SRGAP1: variants seen among roughly 807,000 people sequenced by gnomAD.
SRGAP1 encodes SLIT-ROBO Rho GTPase-activating protein 1.
Under a neutral mutation model 121.9 loss-of-function variants are expected in SRGAP1, and 43 were observed. That is an observed-to-expected ratio of 0.35 (90% CI 0.28 to 0.46). The LOEUF is 0.46. Among genes scored for constraint, SRGAP1 ranks in the 20% least tolerant of loss-of-function variants. The pLI is 1.00. For synonymous variants in SRGAP1, 447 were observed against 485.4 expected (o/e 0.92, Z 1.04); for missense variants, 1,102 against 1,350.9 (o/e 0.82, Z 2.89).
chr12:63,961,509 T>C (rs1166102537), intron 1 of SRGAP1, among the ~76,000 whole-genome samples: 1 of 152,178 alleles, frequency 6.6e-6, no homozygotes, highest in African/African-American at 2.4e-5. Context: ...ATGTAGAGCA[T>C]ACTCTAAATG....
In SRGAP1 at chr12:64,086,958, G is replaced by C. The variant is rs771581472; in HGVS notation, c.1409-41G>C. 2.0e-6 allele frequency: 3 copies of C among 1,523,824 alleles called. No individual in the cohort carries two copies. The African/African-American group carries it at 4.1e-5, about 21-fold the overall frequency. The allele number at this position is 1,523,824 out of a possible 1,614,324, so 94.4% of individuals were successfully genotyped here. ...AAAAGAGTACCACATACACTCTGCT[G>C]ATTCCTTTCAGTTTACTTACTTTAA... is the stretch of plus-strand genomic sequence containing the variant. On this transcript the variant is annotated intron_variant, in intron 10 of 21. Transcript: ENST00000355086.
intron 21 of SRGAP1, among the ~76,000 whole-genome samples, chr12:64,128,731 G>C (rs1195065378): frequency 6.6e-6 from 1 of 152,190 alleles, no homozygotes; most frequent in Non-Finnish European, 1.5e-5. Flanking sequence ...GAAAAGATGA[G>C]ACCTAATAAA....
intron 1 of SRGAP1, among the ~76,000 whole-genome samples, chr12:63,891,334 C>G (rs1900572778): frequency 6.6e-6 from 1 of 152,236 alleles, no homozygotes; most frequent in Non-Finnish European, 1.5e-5. Context: ...AGAGAGAGAC[C>G]TACCCAGTCT....
At position 63,965,482 on chromosome 12, in the gene SRGAP1, T is replaced by G. The variant is rs373561231; in HGVS notation, c.68-18465T>G. On this transcript the variant is annotated intron_variant, in intron 1 of 21. Transcript: ENST00000355086. Reference sequence around the variant, plus strand: ...TACTTTTGTAGGAATAAAAAGTTATTTTTTTATTTAAAACATCATTTACAT... The same window carrying G: ...TACTTTTGTAGGAATAAAAAGTTATGTTTTTATTTAAAACATCATTTACAT... Among the ~76,000 whole-genome samples, 5 of 152,258 alleles carry G rather than the reference T, an allele frequency of 3.3e-5. No individual in the cohort carries two copies. In the East Asian group the frequency reaches 7.7e-4, roughly 24 times the overall value.
intron 1 of SRGAP1, among the ~76,000 whole-genome samples, chr12:63,978,993 A>G (rs2033172186): frequency 6.9e-6 from 1 of 144,972 alleles, no homozygotes; most frequent in Non-Finnish European, 1.5e-5. Context: ...GCCATTTGCC[A>G]TTTGTATATC....
chr12:63,869,919 G>A (rs553376057), intron 1 of SRGAP1, among the ~76,000 whole-genome samples: 37 of 152,154 alleles, frequency 2.4e-4, no homozygotes, highest in Middle Eastern at 3.4e-3. Context: ...TACAGATAGG[G>A]AAAAAGAAAC....
At chr12:63,974,490 C>T (rs1464916064) in intron 1 of SRGAP1, among the ~76,000 whole-genome samples, 1 of 152,104 alleles carries the variant, frequency 6.6e-6, no homozygotes. Flanking sequence ...TGAGGATTAA[C>T]TGTACTGAGA....
At chr12:63,917,790 C>T (rs2030856222) in intron 1 of SRGAP1, among the ~76,000 whole-genome samples, 1 of 150,426 alleles carries the variant, frequency 6.6e-6, no homozygotes, top group South Asian at 2.1e-4. Flanking sequence ...ACCAATTTCC[C>T]ACCCTGCTTT....
At chr12:64,096,931 C>T (rs916236702) in intron 14 of SRGAP1, among the ~76,000 whole-genome samples, 1 of 152,040 alleles carries the variant, frequency 6.6e-6, no homozygotes, top group Non-Finnish European at 1.5e-5. Context: ...TTACAGATTT[C>T]AGCTTAAAAA....
At position 63,868,074 on chromosome 12, in the gene SRGAP1, TTTTTGTTTTTTTTTTTTTG is replaced by T. The variant is rs1592897730; in HGVS notation, c.67+23196_67+23214del. Among the ~76,000 whole-genome samples the T allele has an allele frequency of 8.3e-4, 79 of 95,376 alleles. No homozygotes were observed. The East Asian group carries it at 8.5e-3, about 10-fold the overall frequency. The allele number at this position is 95,376 out of a possible 152,430, so 62.6% of individuals were successfully genotyped here. A position where few individuals can be genotyped will look rare whatever the true frequency, so the allele number is the denominator to read the frequency against. ...TATATATATTTTTTTTTTTTTTTTT[TTTTTGTTTTTTTTTTTTTG>T]TTTTTTGAGATAGAGTTTCACTCTG... On this transcript the variant is annotated intron_variant, in intron 1 of 21. Coordinates refer to ENST00000355086, the MANE Select transcript of SRGAP1 (RefSeq NM_020762.4).
At chr12:63,872,581 A>C (rs1899890888) in intron 1 of SRGAP1, among the ~76,000 whole-genome samples, 2 of 152,182 alleles carry the variant, frequency 1.3e-5, no homozygotes, top group African/African-American at 2.4e-5. Context: ...GAAGTATTTG[A>C]TTCTGGGTCA....
At chr12:64,126,245 G>A in intron 19 of SRGAP1, 88 bp downstream of exon 19, 1 of 1,421,052 alleles carries the variant, frequency 7.0e-7, no homozygotes, top group Non-Finnish European at 9.6e-7. Flanking sequence ...TTGTGAGAAA[G>A]GAGCAGAAGG....
At chr12:63,936,151 C>T (rs1403940351) in intron 1 of SRGAP1, among the ~76,000 whole-genome samples, 3 of 151,976 alleles carry the variant, frequency 2.0e-5, no homozygotes, top group East Asian at 1.9e-4. Flanking sequence ...GTGTGCAGGA[C>T]GTACCAAATG....
chr12:63,921,816 T>C (rs971309865), intron 1 of SRGAP1, among the ~76,000 whole-genome samples: 2 of 152,196 alleles, frequency 1.3e-5, no homozygotes, highest in African/African-American at 4.8e-5. Context: ...AATATCTGAA[T>C]TGATTTTATA....
intron 6 of SRGAP1, among the ~76,000 whole-genome samples, chr12:64,055,649 A>C (rs1255082610): frequency 1.3e-5 from 2 of 152,110 alleles, no homozygotes; most frequent in African/African-American, 4.8e-5. Context: ...CTGGTACCAA[A>C]ACAGAGATAT....
intron 6 of SRGAP1, among the ~76,000 whole-genome samples, chr12:64,060,109 C>T (rs991417974): frequency 4.6e-5 from 7 of 150,880 alleles, no homozygotes; most frequent in African/African-American, 9.7e-5. Flanking sequence ...TGAAATAGGT[C>T]GGGGTGGAAC....
At chr12:63,865,416 C>T (rs954395787) in intron 1 of SRGAP1, among the ~76,000 whole-genome samples, 16 of 152,166 alleles carry the variant, frequency 1.1e-4, no homozygotes, top group African/African-American at 3.9e-4. Context: ...TTGCGGTGAG[C>T]CGAGATCCTG....
intron 1 of SRGAP1, among the ~76,000 whole-genome samples, chr12:63,866,093 C>T (rs1899620892): frequency 6.6e-6 from 1 of 152,160 alleles, no homozygotes; most frequent in African/African-American, 2.4e-5. Flanking sequence ...GAGGCACCCA[C>T]TTATCAAGGC....
At chr12:63,879,684 A>T (rs1900132409) in intron 1 of SRGAP1, among the ~76,000 whole-genome samples, 1 of 152,186 alleles carries the variant, frequency 6.6e-6, no homozygotes. Flanking sequence ...GATTTATTTA[A>T]AATATTCATA....
Sources: gnomAD v4.1 joint callset for allele counts (sites outside exome capture counted in the v4.1 genomes callset) on GRCh38, gnomAD v4.1.1 for gene constraint, MANE v1.5 for transcripts, NCBI Gene and HGNC (gene_info 2026-07-23, HGNC 2026-07-21) for gene names.